CILK1: variants seen among roughly 807,000 people sequenced by gnomAD.
CILK1 encodes ciliogenesis associated kinase 1, also known as serine/threonine-protein kinase ICK.
Under a neutral mutation model 79.2 loss-of-function variants are expected in CILK1, and 47 were observed. The observed-to-expected ratio is 0.59, with a 90% CI of 0.47 to 0.76. The LOEUF is 0.76. Ranked by LOEUF, CILK1 falls within the 30% of genes least tolerant of loss-of-function variation. The pLI is 0.00. For missense variants in CILK1, 660 were observed against 769.5 expected (o/e 0.86, Z 1.68); for synonymous variants, 266 against 275.9 (o/e 0.96, Z 0.36).
chr6:53,015,913 C>A, intron 8 of CILK1, 170 bp downstream of exon 8: 1 of 665,336 alleles, frequency 1.5e-6, no homozygotes, highest in Non-Finnish European at 2.6e-6. Flanking sequence ...CTACTTTATA[C>A]CCAGTAAGTT....
In CILK1 at chr6:53,002,209, T is replaced by G. The variant is rs988591490; in HGVS notation, c.*2940A>C. The G allele has an allele frequency of 7.9e-5, 12 of 152,196 alleles. No homozygotes were observed. The highest frequency in any genetic ancestry group is 6.5e-4 in the Admixed American group (10 of 15,284). 9.4% of individuals were successfully genotyped at this position (152,196 alleles called of 1,614,324 possible). ...TGAACAATCATGTCAAGAGTAGTTTTTATGCAAATGCAGTTTTCCCTACTC... is the reference window on the plus strand; with the variant it reads ...TGAACAATCATGTCAAGAGTAGTTTGTATGCAAATGCAGTTTTCCCTACTC... On this transcript the variant is annotated 3_prime_UTR_variant, in exon 14 of 14. Coordinates refer to ENST00000676107, the MANE Select transcript of CILK1 (RefSeq NM_014920.5).
In CILK1 at chr6:53,002,289, AT is replaced by A. The variant is rs1168694111; in HGVS notation, c.*2859del. On this transcript the variant is annotated 3_prime_UTR_variant, in exon 14 of 14. Coordinates refer to ENST00000676107, the MANE Select transcript of CILK1 (RefSeq NM_014920.5). ...CCCTACAACGCACCTTCGTCACTGA[AT>A]TTCTGTCTCATTTCGGCACGAAATG... 4.6e-5 allele frequency: 7 copies of A among 152,132 alleles called. No individual in the cohort carries two copies. The highest frequency in any genetic ancestry group is 1.7e-4 in the African/African-American group (7 of 41,414). 9.4% of individuals were successfully genotyped at this position (152,132 alleles called of 1,614,324 possible).
rs915055190 is a variant in CILK1, at chr6:53,005,453, A to G, written c.1745-150T>C. ...ACTTATAATCTTCTCTACTGCAGTT[A>G]AAGACATCGTTTTAAAGTTGTCAGG... On this transcript the variant is annotated intron_variant, in intron 13 of 13. Transcript: ENST00000676107. The G allele has an allele frequency of 4.5e-6, 4 of 898,606 alleles. No homozygotes were observed. The African/African-American group carries it at 6.7e-5, about 15-fold the overall frequency. 55.7% of individuals were successfully genotyped at this position (898,606 alleles called of 1,614,324 possible).
At chr6:53,010,568 C>T (rs1764516590) in intron 11 of CILK1, among the ~76,000 whole-genome samples, 1 of 152,232 alleles carries the variant, frequency 6.6e-6, no homozygotes, top group Non-Finnish European at 1.5e-5. Context: ...ATTACGTCAC[C>T]TCCTTTCTCA....
chr6:53,022,748 G>T (rs187679993), intron 5 of CILK1, among the ~76,000 whole-genome samples: 4 of 152,104 alleles, frequency 2.6e-5, no homozygotes, highest in Admixed American at 2.6e-4. Flanking sequence ...TTCTAACATG[G>T]TAGCCTTCAT....
intron 12 of CILK1, 113 bp from the exon 13 acceptor site, chr6:53,006,550 A>G (rs922686661): frequency 8.5e-7 from 1 of 1,183,188 alleles, no homozygotes; most frequent in African/African-American, 1.5e-5. Flanking sequence ...ACTTTTAGGG[A>G]AAAGAGCAAA....
intron 1 of CILK1, among the ~76,000 whole-genome samples, chr6:53,050,775 C>T (rs927566435): frequency 1.3e-5 from 2 of 151,894 alleles, no homozygotes; most frequent in African/African-American, 4.8e-5. Context: ...TTGCAGTGAG[C>T]CTAGGTCACA....
chr6:53,016,018 T>G (rs1355233186), intron 8 of CILK1, 65 bp downstream of exon 8: 2 of 1,472,492 alleles, frequency 1.4e-6, no homozygotes, highest in African/African-American at 1.4e-5. Context: ...AAATATTTCC[T>G]GTGCAATTCA....
chr6:53,036,499 T>C (rs1299179278), intron 3 of CILK1, among the ~76,000 whole-genome samples: 4 of 152,162 alleles, frequency 2.6e-5, no homozygotes, highest in Non-Finnish European at 4.4e-5. Context: ...CACTGCAACC[T>C]CCACTTCCCG....
At chr6:53,037,466 C>T (rs952788998) in intron 3 of CILK1, among the ~76,000 whole-genome samples, 1 of 152,164 alleles carries the variant, frequency 6.6e-6, no homozygotes, top group Non-Finnish European at 1.5e-5. Context: ...CCTTCCCTCC[C>T]CTCTGTGTTC....
chr6:53,007,240 C>T (rs1002530654), intron 12 of CILK1, among the ~76,000 whole-genome samples: 11 of 152,192 alleles, frequency 7.2e-5, no homozygotes, highest in African/African-American at 2.4e-4. Context: ...GTTTTCACAA[C>T]ACAGAGCTTT....
At chr6:53,046,728 T>C (rs1051321067) in intron 1 of CILK1, among the ~76,000 whole-genome samples, 13 of 152,220 alleles carry the variant, frequency 8.5e-5, no homozygotes, top group African/African-American at 3.1e-4. Context: ...CTAAGCATTA[T>C]GCAAGGCTCT....
chr6:53,032,574 G>T lies in CILK1; in HGVS notation c.237C>A (p.Phe79Leu). Residue 79 changes from phenylalanine (F) to leucine (L), a missense_variant, in exon 4 of 14, where the codon TTC becomes TTA. By Grantham distance (22) the Phe-to-Leu change is conservative. Coordinates refer to ENST00000676107, the MANE Select transcript of CILK1 (RefSeq NM_014920.5). ...GGTAAAGATTTTCCTTCATGTACTC[G>T]AAGATAAAATAAAGATGATCATTTT... is the stretch of plus-strand genomic sequence containing the variant. ...IRENDHLYFI[F>L]EYMKENLYQL... 1 of 1,606,120 alleles carries T rather than the reference G, an allele frequency of 6.2e-7. No homozygotes were observed. Among genetic ancestry groups the T allele is most frequent in the South Asian group, 1.1e-5 (1 of 90,500 alleles).
At chr6:53,006,225 G>T in intron 13 of CILK1, 90 bp downstream of exon 13, 1 of 1,235,452 alleles carries the variant, frequency 8.1e-7, no homozygotes, top group Non-Finnish European at 1.2e-6. Flanking sequence ...TTTATTGGTG[G>T]ATCCCAGGCC....
Position 53,016,234 on chromosome 6 carries a change from C to G in CILK1, c.680G>C (p.Gly227Ala). 2 of 1,614,040 alleles carry G rather than the reference C, an allele frequency of 1.2e-6. No homozygotes were observed. Among genetic ancestry groups the G allele is most frequent in the Non-Finnish European group, 8.5e-7 (1 of 1,179,912 alleles). Reference protein sequence around the residue: ...GTPKKTDWPEGYQLSSAMNFR... With the variant: ...GTPKKTDWPEAYQLSSAMNFR... Reference sequence around the variant, plus strand: ...GTTCATTGCACTTGAAAGTTGATAGCCTTCAGGCCAGTCAGTCTGAAAGAA... The same window carrying G: ...GTTCATTGCACTTGAAAGTTGATAGGCTTCAGGCCAGTCAGTCTGAAAGAA... Residue 227 changes from glycine to alanine, a missense_variant, in exon 8 of 14, where the codon GGC becomes GCC. Transcript: ENST00000676107.
intron 1 of CILK1, among the ~76,000 whole-genome samples, chr6:53,048,679 T>C (rs1404470509): frequency 2.0e-5 from 3 of 151,770 alleles, no homozygotes; most frequent in Non-Finnish European, 2.9e-5. Context: ...GAAGGGACCA[T>C]GGTAGGCGCC....
chr6:53,053,341 T>C (rs1466619591), intron 1 of CILK1, among the ~76,000 whole-genome samples: 2 of 152,206 alleles, frequency 1.3e-5, no homozygotes, highest in Non-Finnish European at 2.9e-5. Context: ...AAGAATTAAC[T>C]TGGATAAATC....
chr6:53,055,781 A>G (rs1180198657), intron 1 of CILK1, among the ~76,000 whole-genome samples: 1 of 152,216 alleles, frequency 6.6e-6, no homozygotes, highest in Non-Finnish European at 1.5e-5. Context: ...AAGTTCTTCA[A>G]TCACTTGCAG....
intron 1 of CILK1, among the ~76,000 whole-genome samples, chr6:53,043,387 G>C (rs1308609598): frequency 6.6e-6 from 1 of 151,998 alleles, no homozygotes; most frequent in African/African-American, 2.4e-5. Context: ...TGAAAGCCGT[G>C]TGTGAGCTTG....
Sources: gnomAD v4.1 joint callset for allele counts (sites outside exome capture counted in the v4.1 genomes callset) on GRCh38, gnomAD v4.1.1 for gene constraint, MANE v1.5 for transcripts, NCBI Gene and HGNC (gene_info 2026-07-23, HGNC 2026-07-21) for gene names.